B4GALT1: variants seen among roughly 807,000 people sequenced by gnomAD.
B4GALT1 encodes the protein N-acetyllactosamine synthase.
B4GALT1 carries 16 observed loss-of-function variants against 34.9 expected under a neutral mutation model. That is an observed-to-expected ratio of 0.46 (90% CI 0.31 to 0.70). B4GALT1 has a LOEUF of 0.70. Ranked by LOEUF, B4GALT1 falls within the 30% of genes least tolerant of loss-of-function variation. The pLI, the probability that B4GALT1 is intolerant of heterozygous loss-of-function variation, is 0.05. For missense variants in B4GALT1, 445 were observed against 530.5 expected, an observed-to-expected ratio of 0.84 and a Z score of 1.58; for synonymous variants, 221 against 218.1, an observed-to-expected ratio of 1.01 and a Z score of -0.12.
the B4GALT1 span, among the ~76,000 whole-genome samples, chr9:33,176,896 G>T: frequency 6.6e-6 from 1 of 151,806 alleles, no homozygotes; most frequent in Non-Finnish European, 1.5e-5. Flanking sequence ...TACTAATAGA[G>T]TACAAAAAAT....
chr9:33,114,781 C>T (rs1051925320), intron 4 of B4GALT1, among the ~76,000 whole-genome samples: 7 of 152,220 alleles, frequency 4.6e-5, no homozygotes, highest in African/African-American at 7.2e-5. Flanking sequence ...CCTGGCCTTG[C>T]CTGGCACACA....
At chr9:33,158,423 A>G (rs971020867) in intron 1 of B4GALT1, among the ~76,000 whole-genome samples, 6 of 152,126 alleles carry the variant, frequency 3.9e-5, no homozygotes, top group African/African-American at 7.2e-5. Context: ...TCCTCTGTCC[A>G]TAACAGTCCA....
rs1438453132 is a variant in B4GALT1 at position 33,166,947 on chromosome 9, C to T, written c.223G>A (p.Gly75Arg). The T allele has an allele frequency of 6.3e-7, 1 of 1,574,816 alleles. No homozygotes were observed. Among genetic ancestry groups the T allele is most frequent in the Non-Finnish European group, 8.6e-7 (1 of 1,167,542 alleles). ...NSAAAIGQSSGELRTGGARPP... is the reference protein window; with the variant it reads ...NSAAAIGQSSRELRTGGARPP... Reference sequence around the variant, plus strand: ...CGGGCCCCTCCGGTCCGGAGCTCCCCGGAGGACTGCCCGATGGCGGCGGCA... The same window carrying T: ...CGGGCCCCTCCGGTCCGGAGCTCCCTGGAGGACTGCCCGATGGCGGCGGCA... The change falls in exon 1 of 6, where the codon GGG (glycine) becomes AGG (arginine). Residue 75 changes from glycine to arginine, a missense_variant. Transcript: ENST00000379731.
chr9:33,135,080 G>A (rs1280710338), intron 2 of B4GALT1, 109 bp downstream of exon 2: 2 of 1,152,656 alleles, frequency 1.7e-6, no homozygotes, highest in Non-Finnish European at 2.5e-6. Flanking sequence ...CGCTGTAAGT[G>A]CCAGGTGTCT....
chr9:33,163,690 T>A lies in B4GALT1; in HGVS notation c.412+3068A>T, dbSNP rs1181615592. Among the ~76,000 whole-genome samples the A allele has an allele frequency of 2.0e-5, 3 of 152,230 alleles. No individual in the cohort carries two copies. In the South Asian group the frequency reaches 6.2e-4, roughly 31 times the overall value. On this transcript the variant is annotated intron_variant, in intron 1 of 5. Transcript: ENST00000379731. ...GACGGGGGAAGAAGCCCAAGGCCAC[T>A]GTTCCTCCCATCTCAGCAGGCAAAC...
chr9:33,181,531 G>C, the B4GALT1 span, among the ~76,000 whole-genome samples: 1 of 151,790 alleles, frequency 6.6e-6, no homozygotes, highest in Non-Finnish European at 1.5e-5. Flanking sequence ...TTGATTTTTT[G>C]TGCCTCCTCT....
intron 2 of B4GALT1, among the ~76,000 whole-genome samples, chr9:33,131,792 C>G (rs889657628): frequency 1.3e-5 from 2 of 152,220 alleles, no homozygotes; most frequent in Non-Finnish European, 2.9e-5. Flanking sequence ...AAACAGATAA[C>G]ACAGGCAGTT....
At position 33,113,059 on chromosome 9, in the gene B4GALT1, G is replaced by T. The variant is rs1400771844; in HGVS notation, c.*395C>A. 4 of 293,988 alleles carry T rather than the reference G, an allele frequency of 1.4e-5. No individual in the cohort carries two copies. Among genetic ancestry groups the T allele is most frequent in the Non-Finnish European group, 2.7e-5 (4 of 150,176 alleles). The allele number at this position is 293,988 out of a possible 1,614,324, so 18.2% of individuals were successfully genotyped here. A position where few individuals can be genotyped will look rare whatever the true frequency, so the allele number is the denominator to read the frequency against. ...AGATCACACCAATCCAATTTTAGCAGCACTCTCCGAATTTTCACGAATAAG... is the reference window on the plus strand; with the variant it reads ...AGATCACACCAATCCAATTTTAGCATCACTCTCCGAATTTTCACGAATAAG... On this transcript the variant is annotated 3_prime_UTR_variant, in exon 6 of 6. Coordinates refer to ENST00000379731, the MANE Select transcript of B4GALT1 (RefSeq NM_001497.4).
chr9:33,133,513 C>T (rs961134363), intron 2 of B4GALT1, among the ~76,000 whole-genome samples: 4 of 152,218 alleles, frequency 2.6e-5, no homozygotes, highest in Admixed American at 2.6e-4. Context: ...TGGCATCAGA[C>T]AAATGTTTCT....
At chr9:33,159,665 A>C (rs1271669806) in intron 1 of B4GALT1, among the ~76,000 whole-genome samples, 1 of 152,204 alleles carries the variant, frequency 6.6e-6, no homozygotes, top group African/African-American at 2.4e-5. Flanking sequence ...AGAAACCTAA[A>C]GTTTCTCACT....
At chr9:33,148,465 G>GC (rs1382014682) in intron 1 of B4GALT1, among the ~76,000 whole-genome samples, 1 of 152,198 alleles carries the variant, frequency 6.6e-6, no homozygotes, top group Non-Finnish European at 1.5e-5. Flanking sequence ...CTCACACGTT[G>GC]CCCATAAAGG....
At position 33,165,333 on chromosome 9, in the gene B4GALT1, C is replaced by A. The variant is rs189852711; in HGVS notation, c.412+1425G>T. On this transcript the variant is annotated intron_variant, in intron 1 of 5. Transcript: ENST00000379731. ...AAAAAAACCCCTGTAAGGTAATCAT[C>A]GACAACCACATTTTACACAAGGAAG... Among the ~76,000 whole-genome samples, 74 of 152,180 alleles carry A rather than the reference C, an allele frequency of 4.9e-4. 1 individual carries two copies. The highest frequency in any genetic ancestry group is 9.0e-4 in the Non-Finnish European group (61 of 68,012).
intron 2 of B4GALT1, among the ~76,000 whole-genome samples, chr9:33,127,257 C>T (rs1587733587): frequency 6.6e-6 from 1 of 152,208 alleles, no homozygotes; most frequent in East Asian, 1.9e-4. Flanking sequence ...GCCACCACGC[C>T]CAGCCAGAGG....
intron 1 of B4GALT1, among the ~76,000 whole-genome samples, chr9:33,139,687 C>T (rs114273730): frequency 2.0e-4 from 30 of 152,348 alleles, no homozygotes; most frequent in African/African-American, 5.5e-4. Flanking sequence ...AGGAAGGCAA[C>T]GACTACCTCT....
chr9:33,116,164 C>T (rs772963855), intron 3 of B4GALT1, 51 bp from the exon 4 acceptor site: 6 of 1,599,028 alleles, frequency 3.8e-6, no homozygotes, highest in South Asian at 2.2e-5. Context: ...TAAGTTCTGA[C>T]ATCCCCAAAA....
intron 1 of B4GALT1, among the ~76,000 whole-genome samples, chr9:33,157,396 C>G (rs1345947295): frequency 6.6e-6 from 1 of 152,104 alleles, no homozygotes; most frequent in Non-Finnish European, 1.5e-5. Flanking sequence ...CTACACACTA[C>G]AAAAATGTTC....
intron 1 of B4GALT1, among the ~76,000 whole-genome samples, chr9:33,139,752 G>C (rs1261073663): frequency 6.6e-6 from 1 of 152,266 alleles, no homozygotes; most frequent in Admixed American, 6.5e-5. Flanking sequence ...CTGGGGTGGT[G>C]GGGAGAAGCT....
intron 2 of B4GALT1, among the ~76,000 whole-genome samples, chr9:33,124,940 G>C (rs922161522): frequency 6.6e-6 from 1 of 152,206 alleles, no homozygotes; most frequent in African/African-American, 2.4e-5. Flanking sequence ...AGTCACGCTT[G>C]GTGAAGAGAA....
intron 1 of B4GALT1, among the ~76,000 whole-genome samples, chr9:33,138,781 AC>A (rs879792497): frequency 6.6e-6 from 1 of 152,062 alleles, no homozygotes; most frequent in African/African-American, 2.4e-5. Flanking sequence ...CTCAAATTCA[AC>A]CTGCCCCAAA....
Sources: allele counts gnomAD v4.1 joint callset (sites outside exome capture counted in the v4.1 genomes callset), GRCh38; gene constraint gnomAD v4.1.1; transcripts MANE v1.5; gene names NCBI Gene and HGNC (gene_info 2026-07-23, HGNC 2026-07-21).